Variants in PCOLCE2 observed in about 807,000 individuals in gnomAD.
PCOLCE2 encodes procollagen C-endopeptidase enhancer 2, also known as procollagen C-proteinase enhancer 2.
In PCOLCE2, 42 loss-of-function variants were observed where a neutral mutation model predicts 47.0. The ratio of observed to expected loss-of-function variants is 0.89; its 90% CI spans 0.70 to 1.16. The LOEUF is 1.16. Ranked by LOEUF, PCOLCE2 falls within the 50% of genes most tolerant of loss-of-function variation. The pLI, the probability that PCOLCE2 is intolerant of heterozygous loss-of-function variation, is 0.00. For missense variants in PCOLCE2, 500 were observed against 526.1 expected, an observed-to-expected ratio of 0.95 and a Z score of 0.49; for synonymous variants, 169 against 191.7, an observed-to-expected ratio of 0.88 and a Z score of 0.98.
At chr3:142,885,503 AG>A (rs971902247) in intron 2 of PCOLCE2, among the ~76,000 whole-genome samples, 1 of 152,252 alleles carries the variant, frequency 6.6e-6, no homozygotes, top group Admixed American at 6.5e-5. Context: ...ACAAGGCCAT[AG>A]TAGAGCACAG....
Position 142,838,799 on chromosome 3 carries a change from A to C in PCOLCE2, c.681T>G (p.Ile227Met), listed in dbSNP as rs761756005. ...NGGEVNDARR[I>M]GKYCGDSPPA... is the part of the protein sequence containing the mutation. ...GTGGACTATCACCACAATACTTTCC[A>C]ATTCTTCTAGCATCGTTGACTTCCC... The change falls in exon 5 of 9, where the codon ATT becomes ATG. Residue 227 changes from isoleucine (I) to methionine (M), a missense_variant. By Grantham distance (10) the Ile-to-Met change is conservative. Transcript: ENST00000295992. 7 of 1,613,866 alleles carry C rather than the reference A, an allele frequency of 4.3e-6. No individual in the cohort carries two copies. In the East Asian group the frequency reaches 1.6e-4, roughly 36 times the overall value.
intron 4 of PCOLCE2, among the ~76,000 whole-genome samples, chr3:142,841,282 C>T (rs940000429): frequency 6.6e-6 from 1 of 152,116 alleles, no homozygotes; most frequent in African/African-American, 2.4e-5. Flanking sequence ...ATATTTTTCT[C>T]CTTTGAGAAA....
At chr3:142,883,862 A>C (rs1251295191) in intron 2 of PCOLCE2, among the ~76,000 whole-genome samples, 4 of 152,196 alleles carry the variant, frequency 2.6e-5, no homozygotes, top group African/African-American at 9.7e-5. Flanking sequence ...TATTAACGGA[A>C]TGGTGATCTT....
chr3:142,870,645 C>T (rs1933371070), intron 2 of PCOLCE2, among the ~76,000 whole-genome samples: 2 of 151,554 alleles, frequency 1.3e-5, no homozygotes, highest in South Asian at 4.2e-4. Context: ...CTGTGATACA[C>T]CAGAGCAAGC....
chr3:142,848,391 C>A lies in PCOLCE2; in HGVS notation c.274G>T (p.Asp92Tyr). 6.2e-7 allele frequency: 1 copy of A among 1,614,106 alleles called. No homozygotes were observed. Among genetic ancestry groups the A allele is most frequent in the Non-Finnish European group, 8.5e-7 (1 of 1,179,920 alleles). ...SDNLCRYDFV[D>Y]VYNGHANGQR... ...CCATTGGCATGGCCATTGTACACAT[C>A]CACAAAGTCATAGCGGCACAGGTTG... The change falls in exon 3 of 9, where the codon GAT becomes TAT. Residue 92 changes from aspartate to tyrosine, a missense_variant. Transcript: ENST00000295992.
intron 6 of PCOLCE2, among the ~76,000 whole-genome samples, chr3:142,828,206 T>C (rs972177370): frequency 6.6e-6 from 1 of 152,070 alleles, no homozygotes; most frequent in African/African-American, 2.4e-5. Context: ...ACAAAAATAC[T>C]TAGAGCATAG....
chr3:142,880,845 C>T (rs1006763921), intron 2 of PCOLCE2, among the ~76,000 whole-genome samples: 9 of 152,164 alleles, frequency 5.9e-5, no homozygotes, highest in African/African-American at 2.2e-4. Flanking sequence ...ACAAAGGATA[C>T]AGTAACAACT....
intron 3 of PCOLCE2, among the ~76,000 whole-genome samples, chr3:142,847,111 T>A (rs1201865132): frequency 6.6e-6 from 1 of 152,236 alleles, no homozygotes; most frequent in Non-Finnish European, 1.5e-5. Context: ...GCATTTAACT[T>A]GGCTAGACTC....
At chr3:142,867,947 G>A (rs912076635) in intron 2 of PCOLCE2, among the ~76,000 whole-genome samples, 4 of 152,194 alleles carry the variant, frequency 2.6e-5, no homozygotes, top group Non-Finnish European at 4.4e-5. Context: ...AAAAGTATCT[G>A]AGATGTCTGA....
chr3:142,884,583 T>C (rs754596603), intron 2 of PCOLCE2, among the ~76,000 whole-genome samples: 3 of 152,220 alleles, frequency 2.0e-5, no homozygotes, highest in Admixed American at 6.5e-5. Flanking sequence ...TCTCTAAGCA[T>C]ACATTTTTGA....
chr3:142,841,812 G>T (rs1937266485), intron 4 of PCOLCE2, among the ~76,000 whole-genome samples: 2 of 152,228 alleles, frequency 1.3e-5, no homozygotes, highest in Middle Eastern at 3.5e-3. Flanking sequence ...TTTAAAAACA[G>T]TATCATAATG....
intron 3 of PCOLCE2, among the ~76,000 whole-genome samples, chr3:142,845,175 T>C (rs1304964025): frequency 6.6e-6 from 1 of 152,238 alleles, no homozygotes; most frequent in African/African-American, 2.4e-5. Context: ...TATTCTATTT[T>C]AATCTTTTGG....
intron 2 of PCOLCE2, among the ~76,000 whole-genome samples, chr3:142,861,442 C>G (rs540026246): frequency 6.6e-6 from 1 of 152,270 alleles, no homozygotes; most frequent in East Asian, 1.9e-4. Flanking sequence ...CTTCAATACT[C>G]TACCTCTTAT....
At chr3:142,822,496 C>A (rs1267843090) in intron 7 of PCOLCE2, among the ~76,000 whole-genome samples, 1 of 152,102 alleles carries the variant, frequency 6.6e-6, no homozygotes, top group Admixed American at 6.5e-5. Flanking sequence ...TTCATAAAAT[C>A]AGAATTCCTA....
chr3:142,840,736 G>A (rs989143584), intron 4 of PCOLCE2, among the ~76,000 whole-genome samples: 1 of 152,082 alleles, frequency 6.6e-6, no homozygotes, highest in Non-Finnish European at 1.5e-5. Context: ...CTAATAAAAT[G>A]CTTTCCAGGT....
chr3:142,858,455 T>C (rs1273200718), intron 2 of PCOLCE2, among the ~76,000 whole-genome samples: 2 of 152,264 alleles, frequency 1.3e-5, no homozygotes, highest in African/African-American at 4.8e-5. Flanking sequence ...TCAACAAGTA[T>C]TAATCAACTA....
intron 5 of PCOLCE2, among the ~76,000 whole-genome samples, chr3:142,830,667 G>A (rs2108188296): frequency 6.6e-6 from 1 of 152,242 alleles, no homozygotes; most frequent in South Asian, 2.1e-4. Flanking sequence ...GGTAAGTGAG[G>A]CTCAAAAGCT....
chr3:142,887,754 A>G lies in PCOLCE2; in HGVS notation c.107T>C (p.Ile36Thr), dbSNP rs201267277. The part of the protein sequence containing the change: ...PERPVFTCGG[I>T]LTGESGFIGS... Reference sequence around the variant, plus strand: ...AATAAATCCAGACTCTCCAGTAAGAATGCCACCACATGTGAAAACAGGTCT... The same window carrying G: ...AATAAATCCAGACTCTCCAGTAAGAGTGCCACCACATGTGAAAACAGGTCT... Residue 36 changes from isoleucine to threonine, a missense_variant, in exon 2 of 9, where the codon ATT becomes ACT. Physicochemically the swap from Ile to Thr is moderately conservative, Grantham distance 89 (BLOSUM62 -1). Coordinates refer to ENST00000295992, the MANE Select transcript of PCOLCE2 (RefSeq NM_013363.4). 1 of 1,600,914 alleles carries G rather than the reference A, an allele frequency of 6.2e-7. No individual in the cohort carries two copies. Among genetic ancestry groups the G allele is most frequent in the East Asian group, 2.2e-5 (1 of 44,808 alleles).
chr3:142,888,270 G>A (rs533151496), intron 1 of PCOLCE2, among the ~76,000 whole-genome samples: 1 of 152,360 alleles, frequency 6.6e-6, no homozygotes, highest in African/African-American at 2.4e-5. Context: ...GGAGGCTGAT[G>A]TTGATGGAGG....
Sources: gnomAD v4.1 joint callset for allele counts (sites outside exome capture counted in the v4.1 genomes callset) on GRCh38, gnomAD v4.1.1 for gene constraint, MANE v1.5 for transcripts, NCBI Gene and HGNC (gene_info 2026-07-23, HGNC 2026-07-21) for gene names.